Variants in FANCD2 observed in about 807,000 individuals in gnomAD.
The protein encoded by FANCD2 is Fanconi anemia group D2 protein.
Under a neutral mutation model 192.3 loss-of-function variants are expected in FANCD2, and 131 were observed. The observed-to-expected ratio is 0.68, with a 90% CI of 0.59 to 0.79. The LOEUF is 0.79. Among genes scored for constraint, FANCD2 ranks in the 30% least tolerant of loss-of-function variants. FANCD2 has a pLI of 0.00. For missense variants in FANCD2, 1,508 were observed against 1,701.6 expected (o/e 0.89, Z 2.00); for synonymous variants, 524 against 612.5 (o/e 0.86, Z 2.13).
chr3:10,026,908 C>G (rs1270364673), intron 1 of FANCD2, among the ~76,000 whole-genome samples: 3 of 152,078 alleles, frequency 2.0e-5, no homozygotes, highest in African/African-American at 7.2e-5. Flanking sequence ...AAATGTTAAC[C>G]ATTATTAGAA....
chr3:10,099,488 G>A lies in FANCD2; in HGVS notation c.4281+673G>A, dbSNP rs9862958. On this transcript the variant is annotated intron_variant, in intron 43 of 43. Coordinates refer to ENST00000675286, the MANE Select transcript of FANCD2 (RefSeq NM_001018115.3). Reference sequence around the variant, plus strand: ...AAAAATGAAAAATAAACCTGGGTGCGGTGGCTCACACCTGTAATCCCAGCA... The same window carrying A: ...AAAAATGAAAAATAAACCTGGGTGCAGTGGCTCACACCTGTAATCCCAGCA... 0.052 allele frequency: 15,292 copies of A among 293,074 alleles called. 1,418 individuals carry two copies. The highest frequency in any genetic ancestry group is 0.24 in the African/African-American group (10,680 of 43,916). 18.2% of individuals were successfully genotyped at this position (293,074 alleles called of 1,614,324 possible).
chr3:10,030,869 C>T (rs1486481237), intron 2 of FANCD2, among the ~76,000 whole-genome samples: 1 of 151,708 alleles, frequency 6.6e-6, no homozygotes, highest in African/African-American at 2.4e-5. Context: ...CACTGCCCTT[C>T]AGCCGGGGCA....
chr3:10,054,630 C>T (rs2087353298), intron 18 of FANCD2, among the ~76,000 whole-genome samples: 1 of 146,976 alleles, frequency 6.8e-6, no homozygotes, highest in Non-Finnish European at 1.5e-5. Context: ...ACTACAGGCG[C>T]CCGCCACCAC....
At chr3:10,050,965 A>G (rs2087184173) in intron 17 of FANCD2, among the ~76,000 whole-genome samples, 3 of 152,042 alleles carry the variant, frequency 2.0e-5, no homozygotes, top group African/African-American at 7.2e-5. Flanking sequence ...GCATGCCTGT[A>G]ATCCCAGCTA....
intron 7 of FANCD2, among the ~76,000 whole-genome samples, chr3:10,036,676 A>G (rs2086738888): frequency 6.6e-6 from 1 of 151,382 alleles, no homozygotes; most frequent in South Asian, 2.1e-4. Flanking sequence ...CTGTATTTCA[A>G]AACAGAATTT....
In FANCD2 at chr3:10,097,336, C is replaced by T. The variant is rs563440424; in HGVS notation, c.4185+864C>T. On this transcript the variant is annotated intron_variant, in intron 42 of 43. Coordinates refer to ENST00000675286, the MANE Select transcript of FANCD2 (RefSeq NM_001018115.3). ...TTCCTCTTCCTAATAAGCCTGGGAG[C>T]GCTATAGGAGACTGGAGTTTATTTC... Among the ~76,000 whole-genome samples the T allele has an allele frequency of 3.3e-5, 5 of 152,216 alleles. No homozygotes were observed. In the East Asian group the frequency reaches 5.8e-4, roughly 18 times the overall value.
intron 14 of FANCD2, among the ~76,000 whole-genome samples, chr3:10,044,790 AAC>A (rs1372724222): frequency 6.6e-6 from 1 of 152,228 alleles, no homozygotes; most frequent in Non-Finnish European, 1.5e-5. Context: ...AAAGTACTCC[AAC>A]ACACTGTTTT....
intron 37 of FANCD2, among the ~76,000 whole-genome samples, 199 bp downstream of exon 37, chr3:10,090,584 G>A (rs1313559879): frequency 1.3e-5 from 2 of 149,952 alleles, no homozygotes; most frequent in African/African-American, 4.9e-5. Flanking sequence ...TCAGACTCCT[G>A]AATAGCTGGG....
At chr3:10,044,592 A>AT in intron 14 of FANCD2, among the ~76,000 whole-genome samples, 2 of 151,922 alleles carry the variant, frequency 1.3e-5, no homozygotes, top group Non-Finnish European at 2.9e-5. Flanking sequence ...ATCTCAAAAG[A>AT]TAAAAAGCCG....
At chr3:10,075,847 C>T (rs750559078) in intron 29 of FANCD2, among the ~76,000 whole-genome samples, 1 of 149,998 alleles carries the variant, frequency 6.7e-6, no homozygotes, top group Non-Finnish European at 1.5e-5. Context: ...TATCCTGCCT[C>T]AGCCTCCCAA....
chr3:10,049,708 T>G (rs2087141091), intron 17 of FANCD2, among the ~76,000 whole-genome samples: 1 of 152,210 alleles, frequency 6.6e-6, no homozygotes, highest in South Asian at 2.1e-4. Context: ...AGTAGGCCCT[T>G]ACCTTTCATG....
rs764962539 is a variant in FANCD2, at chr3:10,039,301, A to T, written c.514A>T (p.Ile172Leu). 1 of 1,613,774 alleles carries T rather than the reference A, an allele frequency of 6.2e-7. No homozygotes were observed. Among genetic ancestry groups the T allele is most frequent in the African/African-American group, 1.3e-5 (1 of 74,934 alleles). The change falls in exon 8 of 44, where the codon ATA (isoleucine) becomes TTA (leucine). Residue 172 changes from isoleucine (I) to leucine (L), a missense_variant. Physicochemically the swap from Ile to Leu is conservative, Grantham distance 5. Around this residue, in one of 5 missense-constraint regions of FANCD2, gnomAD observed 435 missense variants for 421.9 expected, o/e 1.03. Coordinates refer to ENST00000675286, the MANE Select transcript of FANCD2 (RefSeq NM_001018115.3). The part of the protein sequence containing the change: ...FENKNSDEIN[I>L]PRLIVSQLKW... ...TAGCAAGAACAGTGATGAAATCAAC[A>T]TACCTCGACTCATTGTCAGTCAACT... is the stretch of plus-strand genomic sequence containing the variant.
rs531580306 is a variant in FANCD2 at position 10,058,288 on chromosome 3, A to G, written c.1657-2006A>G. 9.7e-4 allele frequency: 162 copies of G among 167,004 alleles called. 1 individual carries two copies. In the South Asian group the frequency reaches 0.019, roughly 20 times the overall value. 10.3% of individuals were successfully genotyped at this position (167,004 alleles called of 1,614,324 possible). ...TCTTACCTTTCTCAGCATCACCCAT[A>G]TATAATTCTGTTTTTCATCGCTGGC... On this transcript the variant is annotated intron_variant, in intron 18 of 43. Coordinates refer to ENST00000675286, the MANE Select transcript of FANCD2 (RefSeq NM_001018115.3).
At chr3:10,028,873 G>C in intron 2 of FANCD2, 152 bp downstream of exon 2, 5 of 780,514 alleles carry the variant, frequency 6.4e-6, no homozygotes, top group Non-Finnish European at 1.1e-5. Context: ...ATTTGGGACT[G>C]AGTTTTTGCC....
chr3:10,042,638 C>G lies in FANCD2; in HGVS notation c.863C>G (p.Ser288Cys). The change falls in exon 11 of 44, where the codon TCC becomes TGC. Residue 288 changes from serine to cysteine, a missense_variant. Ser to Cys is a moderately radical substitution (Grantham distance 112, BLOSUM62 -1). Transcript: ENST00000675286. ...LPVIIKFILH[S>C]VTAMDTLEVI... Reference sequence around the variant, plus strand: ...GTGATAATAAAGTTCATTCTTCATTCCGTAACAGCCATGGATACACTTGAG... The same window carrying G: ...GTGATAATAAAGTTCATTCTTCATTGCGTAACAGCCATGGATACACTTGAG... The G allele has an allele frequency of 6.2e-7, 1 of 1,613,808 alleles. No individual in the cohort carries two copies. Among genetic ancestry groups the G allele is most frequent in the East Asian group, 2.2e-5 (1 of 44,858 alleles).
chr3:10,101,377 CTTTTTTTTTTT>C lies in FANCD2; in HGVS notation c.*130_*140del, dbSNP rs950337384. The C allele has an allele frequency of 3.1e-5, 12 of 388,514 alleles. No homozygotes were observed. Among genetic ancestry groups the C allele is most frequent in the Admixed American group, 1.3e-4 (3 of 23,234 alleles). 24.1% of individuals were successfully genotyped at this position (388,514 alleles called of 1,614,324 possible). On this transcript the variant is annotated 3_prime_UTR_variant, in exon 44 of 44. Coordinates refer to ENST00000675286, the MANE Select transcript of FANCD2 (RefSeq NM_001018115.3). ...ACTGGTAGGATCCTTTTTTGTTCCTCTTTTTTTTTTTTTTTTTTTTTTTTTAAAGACGGGGA... is the reference window on the plus strand; with the variant it reads ...ACTGGTAGGATCCTTTTTTGTTCCTCTTTTTTTTTTTTTTAAAGACGGGGA...
intron 42 of FANCD2, among the ~76,000 whole-genome samples, chr3:10,096,743 C>T (rs1157443683): frequency 6.6e-6 from 1 of 152,236 alleles, no homozygotes; most frequent in African/African-American, 2.4e-5. Flanking sequence ...GTACAAACCT[C>T]TCTCCACAGC....
intron 29 of FANCD2, among the ~76,000 whole-genome samples, chr3:10,076,284 C>CTT (rs58896767): frequency 0.2 from 28,944 of 144,748 alleles, 3,226 homozygotes; most frequent in African/African-American, 0.32. Flanking sequence ...TTGAATTAGT[C>CTT]TTTTTTTTTT....
intron 1 of FANCD2, 37 bp from the exon 2 acceptor site, chr3:10,028,588 T>C (rs2086514546): frequency 7.4e-7 from 1 of 1,352,248 alleles, no homozygotes; most frequent in East Asian, 2.3e-5. Context: ...GAATTTATCT[T>C]CTAGAGGGTA....
Sources: allele counts gnomAD v4.1 joint callset (sites outside exome capture counted in the v4.1 genomes callset), GRCh38; gene constraint gnomAD v4.1.1; regional missense constraint gnomAD v4.1.1; transcripts MANE v1.5; gene names NCBI Gene and HGNC (gene_info 2026-07-23, HGNC 2026-07-21).